Variants in MINPP1 observed in about 807,000 individuals in gnomAD.
MINPP1 encodes the protein multiple inositol polyphosphate phosphatase 1.
In MINPP1, 28 loss-of-function variants were observed where a neutral mutation model predicts 46.1. The observed-to-expected ratio is 0.61, with a 90% confidence interval of 0.45 to 0.83. MINPP1 has a LOEUF of 0.83. Among genes scored for constraint, MINPP1 ranks in the 40% least tolerant of loss-of-function variants. The pLI is 0.00. For missense variants in MINPP1, 603 were observed against 610.0 expected, an observed-to-expected ratio of 0.99 and a Z score of 0.12; for synonymous variants, 268 against 249.1, an observed-to-expected ratio of 1.08 and a Z score of -0.72.
chr10:87,532,457 C>T (rs866562274), intron 4 of MINPP1, among the ~76,000 whole-genome samples: 1 of 152,164 alleles, frequency 6.6e-6, no homozygotes, highest in Non-Finnish European at 1.5e-5. Flanking sequence ...AGAGTTTGAC[C>T]CTTTAAGACA....
intron 4 of MINPP1, among the ~76,000 whole-genome samples, chr10:87,525,083 CA>C (rs2131819535): frequency 6.6e-6 from 1 of 152,276 alleles, no homozygotes; most frequent in African/African-American, 2.4e-5. Flanking sequence ...CCATTTGTGG[CA>C]AAATGCAGTA....
chr10:87,514,027 G>A (rs372451210), intron 3 of MINPP1, among the ~76,000 whole-genome samples: 4 of 152,040 alleles, frequency 2.6e-5, no homozygotes, highest in East Asian at 1.9e-4. Flanking sequence ...CCTGCCTCTC[G>A]TAAGGATACT....
chr10:87,545,153 A>G (rs1851869079), intron 4 of MINPP1, among the ~76,000 whole-genome samples: 1 of 152,126 alleles, frequency 6.6e-6, no homozygotes, highest in Non-Finnish European at 1.5e-5. Context: ...TATGAACCCT[A>G]TGTCCTCCTT....
chr10:87,517,457 T>C (rs1333766143), intron 3 of MINPP1, among the ~76,000 whole-genome samples: 1 of 152,212 alleles, frequency 6.6e-6, no homozygotes, highest in Non-Finnish European at 1.5e-5. Flanking sequence ...GGGCAGGTTA[T>C]ACAGTTGTTT....
intron 4 of MINPP1, among the ~76,000 whole-genome samples, chr10:87,534,940 C>T (rs1357895226): frequency 2.0e-5 from 3 of 152,214 alleles, no homozygotes; most frequent in Admixed American, 1.3e-4. Flanking sequence ...TTTTTGAGCA[C>T]ATACAATGTG....
Position 87,552,172 on chromosome 10 carries a change from C to A in MINPP1, c.1158C>A (p.Asp386Glu). The change falls in exon 5 of 5, where the codon GAC (aspartate) becomes GAA (glutamate). Residue 386 changes from aspartate (D) to glutamate (E), a missense_variant. Physicochemically the swap from Asp to Glu is conservative, Grantham distance 45. Transcript: ENST00000371996. The stretch of plus-strand genomic sequence containing the variant: ...TTTCTCTCATGGGCTACTTCAAAGA[C>A]AAGGAACCCCTAACAGCGTACAATT... ...PLLSLMGYFK[D>E]KEPLTAYNYK... is the part of the protein sequence containing the mutation. 6.2e-7 allele frequency: 1 copy of A among 1,613,696 alleles called. No individual in the cohort carries two copies. The highest frequency in any genetic ancestry group is 1.1e-5 in the South Asian group (1 of 91,072).
At chr10:87,543,822 G>A (rs184109523) in intron 4 of MINPP1, among the ~76,000 whole-genome samples, 154 of 152,318 alleles carry the variant, frequency 1.0e-3, no homozygotes, top group Middle Eastern at 6.8e-3. Flanking sequence ...CAAGGGGATG[G>A]CACTAAGCCA....
chr10:87,526,041 C>T (rs1851571981), intron 4 of MINPP1, among the ~76,000 whole-genome samples: 1 of 152,186 alleles, frequency 6.6e-6, no homozygotes, highest in African/African-American at 2.4e-5. Context: ...TTTATAGCAG[C>T]ATGATTTATA....
Position 87,552,112 on chromosome 10 carries a change from C to T in MINPP1, c.1098C>T (p.Leu366=), listed in dbSNP as rs769545802. ...AGCCAATTTCTTCTCCAGTCATCCT[C>T]CAGTTTGGTCATGCAGAGACTCTTC... The part of the protein sequence containing the change: ...RSQPISSPVI[L]QFGHAETLLP... Residue 366 remains leucine (L), a synonymous_variant, in exon 5 of 5, where the codon CTC becomes CTT. Transcript: ENST00000371996. 5 of 1,613,214 alleles carry T rather than the reference C, an allele frequency of 3.1e-6. No homozygotes were observed. Among genetic ancestry groups the T allele is most frequent in the Non-Finnish European group, 4.2e-6 (5 of 1,179,524 alleles).
intron 4 of MINPP1, among the ~76,000 whole-genome samples, chr10:87,529,649 T>C (rs1455672782): frequency 6.6e-6 from 1 of 152,242 alleles, no homozygotes; most frequent in East Asian, 1.9e-4. Flanking sequence ...TTTTCCTTCA[T>C]TTCAACTTTA....
Sources: gnomAD v4.1 joint callset for allele counts (sites outside exome capture counted in the v4.1 genomes callset) on GRCh38, gnomAD v4.1.1 for gene constraint, MANE v1.5 for transcripts, NCBI Gene and HGNC (gene_info 2026-07-23, HGNC 2026-07-21) for gene names.